EIF1AX: variants seen among roughly 807,000 people sequenced by gnomAD.
The protein encoded by EIF1AX is eukaryotic translation initiation factor 1A, X-chromosomal.
Under a neutral mutation model 16.1 loss-of-function variants are expected in EIF1AX, and 1 was observed. The observed-to-expected ratio is 0.06, with a 90% confidence interval of 0.02 to 0.30. The LOEUF (loss-of-function observed/expected upper bound fraction) is 0.30. Among genes scored for constraint, EIF1AX ranks in the 10% least tolerant of loss-of-function variants. The probability of loss-of-function intolerance (pLI) is 1.00; values close to 1 mark genes in which losing one functional copy is unlikely to be tolerated. For synonymous variants in EIF1AX, 32 were observed against 37.3 expected, an observed-to-expected ratio of 0.86 and a Z score of 0.51; for missense variants, 11 against 109.1, an observed-to-expected ratio of 0.10 and a Z score of 4.00.
At chrX:20,131,395 G>C in intron 5 of EIF1AX, among the ~76,000 whole-genome samples, 1 of 111,622 alleles carries the variant, frequency 9.0e-6, no homozygotes, top group South Asian at 3.7e-4. Context: ...CACTTTGGTA[G>C]GCAGAGGTGG....
At chrX:20,133,249 G>A (rs1424726041) in intron 4 of EIF1AX, among the ~76,000 whole-genome samples, 1 of 111,359 alleles carries the variant, frequency 9.0e-6, no homozygotes, top group Non-Finnish European at 1.9e-5. Context: ...AGAAAAAAAT[G>A]GACATTAAAA....
chrX:20,130,302 C>CAAAAA (rs773734086), intron 6 of EIF1AX, among the ~76,000 whole-genome samples: 85 of 28,454 alleles, frequency 3.0e-3, no homozygotes, highest in Non-Finnish European at 4.4e-3. Flanking sequence ...AACTCCATCA[C>CAAAAA]AAAAAAAAAA....
chrX:20,138,885 T>TA (rs1240811169), intron 1 of EIF1AX, among the ~76,000 whole-genome samples: 2 of 112,072 alleles, frequency 1.8e-5, no homozygotes, highest in African/African-American at 6.5e-5. Context: ...GATATTATGT[T>TA]AAAAAATATA....
intron 6 of EIF1AX, among the ~76,000 whole-genome samples, chrX:20,129,053 T>C (rs1477841568): frequency 9.0e-6 from 1 of 111,220 alleles, no homozygotes. Flanking sequence ...AATTGTTAAT[T>C]CTATTGTCAA....
chrX:20,137,929 G>A (rs1320647653), intron 2 of EIF1AX, among the ~76,000 whole-genome samples: 4 of 106,328 alleles, frequency 3.8e-5, no homozygotes, highest in African/African-American at 1.4e-4. Flanking sequence ...CATGGTGGGA[G>A]AATCACTTGA....
intron 2 of EIF1AX, 64 bp from the exon 3 acceptor site, chrX:20,135,905 T>C: frequency 1.2e-6 from 1 of 804,169 alleles, no homozygotes; most frequent in Non-Finnish European, 1.9e-6. Context: ...CAACTTAAAG[T>C]CCACATAAAA....
rs1280937105 is a variant in EIF1AX, at chrX:20,127,018, CTTCTT to C, written c.*1283_*1287del. On this transcript the variant is annotated 3_prime_UTR_variant, in exon 7 of 7. Transcript: ENST00000379607. ...GTGTCACAAGCTACATGATGGATCT[CTTCTT>C]TTAATGTTGCATAGAGTTTCAGTTT... The C allele has an allele frequency of 6.9e-6, 1 of 144,492 alleles. No individual in the cohort carries two copies. The highest frequency in any genetic ancestry group is 1.4e-5 in the Non-Finnish European group (1 of 72,265). 11.9% of individuals were successfully genotyped at this position (144,492 alleles called of 1,213,427 possible).
chrX:20,137,473 T>C (rs894269969), intron 2 of EIF1AX, among the ~76,000 whole-genome samples: 6 of 110,805 alleles, frequency 5.4e-5, no homozygotes, highest in South Asian at 3.8e-4. Context: ...ATCCCACATA[T>C]ATATTTCTTT....
At chrX:20,136,420 G>A in intron 2 of EIF1AX, 1 of 269,252 alleles carries the variant, frequency 3.7e-6, no homozygotes, top group Non-Finnish European at 7.2e-6. Flanking sequence ...AGAATGTAAT[G>A]CCATTTCTAT....
chrX:20,130,302 C>CAAA lies in EIF1AX; in HGVS notation c.429+211_429+213dup, dbSNP rs773734086. On this transcript the variant is annotated intron_variant, in intron 6 of 6. Transcript: ENST00000379607. ...TGGGTGACAGAACAAAACTCCATCA[C>CAAA]AAAAAAAAAAAAAAAAAAAAAAAAA... Among the ~76,000 whole-genome samples the CAAA allele has an allele frequency of 1.4e-3, 40 of 28,449 alleles. 1 individual carries two copies. Among genetic ancestry groups the CAAA allele is most frequent in the Non-Finnish European group, 1.6e-3 (24 of 14,705 alleles). 24.7% of individuals were successfully genotyped at this position (28,449 alleles called of 115,157 possible).
intron 1 of EIF1AX, among the ~76,000 whole-genome samples, chrX:20,140,878 T>G (rs761712973): frequency 1.3e-4 from 14 of 110,193 alleles, no homozygotes; most frequent in African/African-American, 4.6e-4. Flanking sequence ...GATTAGGCCT[T>G]CCGTTTTGGA....
chrX:20,131,560 G>A (rs963403961), intron 5 of EIF1AX, among the ~76,000 whole-genome samples: 4 of 110,477 alleles, frequency 3.6e-5, no homozygotes, highest in African/African-American at 9.9e-5. Context: ...GGGAGGCAGA[G>A]GTTGCAGTGA....
Position 20,124,713 on chromosome X carries a change from A to G in EIF1AX, c.*3593T>C, listed in dbSNP as rs1270510171. 7.1e-6 allele frequency: 1 copy of G among 140,742 alleles called. No homozygotes were observed. Among genetic ancestry groups the G allele is most frequent in the Non-Finnish European group, 1.4e-5 (1 of 70,297 alleles). The allele number at this position is 140,742 out of a possible 1,213,427, so 11.6% of individuals were successfully genotyped here. On this transcript the variant is annotated 3_prime_UTR_variant, in exon 7 of 7. Transcript: ENST00000379607. ...ATCAGAGGTATCAATATTAATAACT[A>G]TAATCTTTTTCTAAAGAAATATAGA...
At chrX:20,134,345 G>A (rs992196989) in intron 3 of EIF1AX, among the ~76,000 whole-genome samples, 15 of 110,850 alleles carry the variant, frequency 1.4e-4, no homozygotes, top group African/African-American at 3.6e-4. Flanking sequence ...CCAAGACTGC[G>A]CTACTGCACT....
In EIF1AX at chrX:20,135,690, T is replaced by A. The variant is rs748437157; in HGVS notation, c.204+48A>T. On this transcript the variant is annotated intron_variant, in intron 3 of 6. Coordinates refer to ENST00000379607, the MANE Select transcript of EIF1AX (RefSeq NM_001412.4). The stretch of plus-strand genomic sequence containing the variant: ...GGACAGTTAAAAACTGTAGAGGGAT[T>A]TTCCCCCTTAACCAATTTTATATTA... 5.4e-5 allele frequency: 53 copies of A among 984,394 alleles called. 1 individual carries two copies. Among genetic ancestry groups the A allele is most frequent in the Non-Finnish European group, 7.5e-5 (52 of 692,410 alleles). The allele number at this position is 984,394 out of a possible 1,213,427, so 81.1% of individuals were successfully genotyped here. A position where few individuals can be genotyped will look rare whatever the true frequency, so the allele number is the denominator to read the frequency against.
chrX:20,134,030 C>T (rs745610158), intron 3 of EIF1AX, 23 bp from the exon 4 acceptor site: 4 of 1,176,999 alleles, frequency 3.4e-6, no homozygotes, highest in Non-Finnish European at 4.6e-6. Context: ...AGTCACTGCC[C>T]GTCACATTTA....
intron 2 of EIF1AX, among the ~76,000 whole-genome samples, chrX:20,137,204 G>A (rs1358641386): frequency 9.0e-6 from 1 of 111,622 alleles, no homozygotes; most frequent in Non-Finnish European, 1.9e-5. Context: ...CAGCACTTTC[G>A]GAGGCCGAGA....
intron 2 of EIF1AX, 44 bp downstream of exon 2, chrX:20,138,495 G>C: frequency 9.7e-7 from 1 of 1,034,685 alleles, no homozygotes; most frequent in East Asian, 3.0e-5. Flanking sequence ...AGCTAAAAAA[G>C]AAAGGATGTT....
chrX:20,140,367 T>C (rs1200365309), intron 1 of EIF1AX: 1 of 112,409 alleles, frequency 8.9e-6, no homozygotes, highest in Non-Finnish European at 1.9e-5. Context: ...TTGGAAATCT[T>C]ATTACTAGAA....
Sources: gnomAD v4.1 joint callset for allele counts (sites outside exome capture counted in the v4.1 genomes callset) on GRCh38, gnomAD v4.1.1 for gene constraint, MANE v1.5 for transcripts, NCBI Gene and HGNC (gene_info 2026-07-23, HGNC 2026-07-21) for gene names.